PAN3: variants seen among roughly 807,000 people sequenced by gnomAD.
PAN3 encodes PAN2-PAN3 deadenylation complex subunit PAN3.
PAN3 carries 19 observed loss-of-function variants against 96.2 expected under a neutral mutation model. The ratio of observed to expected loss-of-function variants is 0.20; its 90% CI spans 0.14 to 0.29. The LOEUF (loss-of-function observed/expected upper bound fraction) is 0.29, where lower values mean the gene tolerates loss of function less well. Ranked by LOEUF, PAN3 falls within the 10% of genes least tolerant of loss-of-function variation. PAN3 has a pLI of 1.00. For missense variants in PAN3, 882 were observed against 1,108.1 expected (o/e 0.80, Z 2.90); for synonymous variants, 433 against 406.6 (o/e 1.06, Z -0.78).
chr13:28,209,533 C>T (rs1178851507), intron 5 of PAN3, among the ~76,000 whole-genome samples: 3 of 152,122 alleles, frequency 2.0e-5, no homozygotes, highest in Non-Finnish European at 2.9e-5. Context: ...AATAGTTATA[C>T]ATTATGATAT....
chr13:28,145,116 G>GAT (rs1489829909), intron 1 of PAN3, among the ~76,000 whole-genome samples: 1 of 152,104 alleles, frequency 6.6e-6, no homozygotes, highest in Admixed American at 6.5e-5. Flanking sequence ...GAAATTGTAA[G>GAT]ATACAATACG....
chr13:28,180,446 A>G (rs1013449600), intron 4 of PAN3, among the ~76,000 whole-genome samples: 1 of 152,202 alleles, frequency 6.6e-6, no homozygotes, highest in Non-Finnish European at 1.5e-5. Flanking sequence ...CAAATCTCAA[A>G]ATCTCTTTAC....
In PAN3 at chr13:28,138,548, C is replaced by A; in HGVS notation, c.-110C>A. On this transcript the variant is annotated 5_prime_UTR_variant, in exon 1 of 19. Coordinates refer to ENST00000380958, the MANE Select transcript of PAN3 (RefSeq NM_175854.8). ...GCTCCCGCAGCGGGACAGACCCACC[C>A]GCCCAGGCTTTTATCCGGCACCGGC... 2.4e-6 allele frequency: 1 copy of A among 415,598 alleles called. No individual in the cohort carries two copies. The highest frequency in any genetic ancestry group is 4.2e-6 in the Non-Finnish European group (1 of 235,596). 25.7% of individuals were successfully genotyped at this position (415,598 alleles called of 1,614,324 possible).
chr13:28,181,662 T>C (rs1409676202), intron 4 of PAN3, among the ~76,000 whole-genome samples: 1 of 152,246 alleles, frequency 6.6e-6, no homozygotes, highest in Non-Finnish European at 1.5e-5. Context: ...CTACTCATAA[T>C]GTGTCATGGG....
intron 6 of PAN3, among the ~76,000 whole-genome samples, chr13:28,246,327 A>T (rs1884183755): frequency 6.6e-6 from 1 of 152,130 alleles, no homozygotes; most frequent in South Asian, 2.1e-4. Context: ...GATACATAAT[A>T]ACTGTACATA....
At chr13:28,165,933 G>T (rs1873483862) in intron 1 of PAN3, among the ~76,000 whole-genome samples, 3 of 152,116 alleles carry the variant, frequency 2.0e-5, no homozygotes, top group Admixed American at 1.3e-4. Context: ...ACCATCTAAA[G>T]GCCCCAATTC....
intron 1 of PAN3, among the ~76,000 whole-genome samples, chr13:28,168,757 G>C (rs566500999): frequency 6.6e-6 from 1 of 151,956 alleles, no homozygotes; most frequent in African/African-American, 2.4e-5. Context: ...GGTGGCTCAC[G>C]CCTGTAATCC....
intron 4 of PAN3, among the ~76,000 whole-genome samples, chr13:28,191,888 G>A (rs1037208967): frequency 6.6e-6 from 1 of 151,368 alleles, no homozygotes; most frequent in Non-Finnish European, 1.5e-5. Context: ...TATAGGCATG[G>A]GCCACCATAC....
intron 6 of PAN3, among the ~76,000 whole-genome samples, chr13:28,225,387 C>G (rs1881888005): frequency 1.3e-5 from 2 of 152,126 alleles, no homozygotes. Flanking sequence ...AAACAAAATT[C>G]CGTGATTGAT....
chr13:28,207,894 G>A (rs1291874800), intron 5 of PAN3, among the ~76,000 whole-genome samples: 1 of 152,194 alleles, frequency 6.6e-6, no homozygotes, highest in Non-Finnish European at 1.5e-5. Context: ...GTAGAACACA[G>A]TGTCTATGTT....
chr13:28,169,003 G>A (rs1873936994), intron 1 of PAN3, among the ~76,000 whole-genome samples: 1 of 150,910 alleles, frequency 6.6e-6, no homozygotes, highest in Non-Finnish European at 1.5e-5. Context: ...GCGACAGAGC[G>A]AGACTCCGTC....
chr13:28,204,868 A>C (rs1453420451), intron 5 of PAN3, among the ~76,000 whole-genome samples: 3 of 152,222 alleles, frequency 2.0e-5, no homozygotes, highest in Non-Finnish European at 2.9e-5. Flanking sequence ...CTATTGTTTT[A>C]GTGAAGTGAT....
chr13:28,253,579 A>G (rs1207211848), intron 6 of PAN3, among the ~76,000 whole-genome samples: 1 of 149,560 alleles, frequency 6.7e-6, no homozygotes, highest in Non-Finnish European at 1.5e-5. Context: ...TTTATTTTGA[A>G]TGTTCTTTCT....
intron 1 of PAN3, among the ~76,000 whole-genome samples, chr13:28,151,331 C>T (rs1289615380): frequency 1.3e-5 from 2 of 151,902 alleles, no homozygotes; most frequent in African/African-American, 4.8e-5. Flanking sequence ...CTGGCTAACA[C>T]GGTGAAACCC....
intron 1 of PAN3, among the ~76,000 whole-genome samples, chr13:28,164,770 G>A (rs1368346972): frequency 6.6e-6 from 1 of 152,160 alleles, no homozygotes; most frequent in African/African-American, 2.4e-5. Context: ...GATGTTTTTG[G>A]AGAATTAGAC....
At chr13:28,271,009 T>A in intron 13 of PAN3, 143 bp downstream of exon 13, 1 of 934,360 alleles carries the variant, frequency 1.1e-6, no homozygotes, top group Non-Finnish European at 1.5e-6. Context: ...ATTTGTAAGC[T>A]TTTTAAAGAA....
chr13:28,179,968 A>G (rs1357787112), intron 4 of PAN3, among the ~76,000 whole-genome samples: 1 of 152,146 alleles, frequency 6.6e-6, no homozygotes, highest in African/African-American at 2.4e-5. Flanking sequence ...AAATGTTACT[A>G]GAAATTTGAA....
At chr13:28,149,657 G>C (rs982245214) in intron 1 of PAN3, among the ~76,000 whole-genome samples, 1 of 152,114 alleles carries the variant, frequency 6.6e-6, no homozygotes, top group Non-Finnish European at 1.5e-5. Flanking sequence ...TGTCACCCAG[G>C]CTATAGTGCA....
intron 9 of PAN3, among the ~76,000 whole-genome samples, chr13:28,266,471 G>GTAT (rs1886187366): frequency 1.3e-5 from 2 of 152,056 alleles, no homozygotes; most frequent in South Asian, 4.1e-4. Context: ...TGCTATAAAA[G>GTAT]GAAATGTTTT....
Sources: gnomAD v4.1 joint callset for allele counts (sites outside exome capture counted in the v4.1 genomes callset) on GRCh38, gnomAD v4.1.1 for gene constraint, MANE v1.5 for transcripts, NCBI Gene and HGNC (gene_info 2026-07-23, HGNC 2026-07-21) for gene names.